Variants in UBAC2 observed in about 807,000 individuals in gnomAD.
UBAC2 encodes UBA domain containing 2, also known as ubiquitin-associated domain-containing protein 2.
UBAC2 carries 26 observed loss-of-function variants against 44.0 expected under a neutral mutation model. The ratio of observed to expected loss-of-function variants is 0.59; its 90% CI spans 0.43 to 0.82. The LOEUF is 0.82. Among genes scored for constraint, UBAC2 ranks in the 40% least tolerant of loss-of-function variants. The pLI is 0.00. For synonymous variants in UBAC2, 155 were observed against 154.3 expected, an observed-to-expected ratio of 1.00 and a Z score of -0.04; for missense variants, 329 against 419.4, an observed-to-expected ratio of 0.78 and a Z score of 1.88.
intron 1 of UBAC2, chr13:99,215,814 T>A: frequency 3.1e-6 from 2 of 642,528 alleles, no homozygotes; most frequent in Admixed American, 2.8e-5. Flanking sequence ...AGACCCGTGG[T>A]GAGATCCCAC....
chr13:99,289,192 T>G (rs1334000922), intron 4 of UBAC2, among the ~76,000 whole-genome samples: 2 of 152,190 alleles, frequency 1.3e-5, no homozygotes, highest in Non-Finnish European at 2.9e-5. Context: ...TCCTTTGTTG[T>G]AAGATCTAAA....
intron 8 of UBAC2, chr13:99,377,710 TC>T (rs1202162008): frequency 6.6e-6 from 1 of 152,248 alleles, no homozygotes; most frequent in Non-Finnish European, 1.5e-5. Context: ...CTTTCTGACT[TC>T]TTTAGGGCCC....
intron 7 of UBAC2, among the ~76,000 whole-genome samples, chr13:99,348,298 C>T (rs2045023454): frequency 6.6e-6 from 1 of 152,200 alleles, no homozygotes; most frequent in Non-Finnish European, 1.5e-5. Context: ...TGAGGCTGTA[C>T]TAGGCACTAG....
At chr13:99,376,326 C>CG (rs1019063852) in intron 8 of UBAC2, among the ~76,000 whole-genome samples, 12 of 152,212 alleles carry the variant, frequency 7.9e-5, no homozygotes, top group Non-Finnish European at 1.8e-4. Flanking sequence ...GGGCTGCTGA[C>CG]GCCTGTGGTT....
rs74112018 is a variant in UBAC2, at chr13:99,221,832, G to T, written c.32-16595G>T. 6.7e-3 allele frequency among the ~76,000 whole-genome samples: 1,019 copies of T among 152,150 alleles called. 9 individuals are homozygous for T. Among genetic ancestry groups the T allele is most frequent in the African/African-American group, 0.023 (964 of 41,494 alleles). Reference sequence around the variant, plus strand: ...GGACTCTTCCTCTGTTTCGCTCCCCGTGTCCTTCACTACTGCTCCCTGGGA... The same window carrying T: ...GGACTCTTCCTCTGTTTCGCTCCCCTTGTCCTTCACTACTGCTCCCTGGGA... On this transcript the variant is annotated intron_variant, in intron 1 of 8. Transcript: ENST00000403766.
At chr13:99,213,320 G>A (rs1428001935) in intron 1 of UBAC2, among the ~76,000 whole-genome samples, 1 of 151,392 alleles carries the variant, frequency 6.6e-6, no homozygotes, top group Non-Finnish European at 1.5e-5. Flanking sequence ...CTCCCAAGTT[G>A]CTGGGATTAT....
At chr13:99,241,490 T>C (rs529669426) in intron 2 of UBAC2, among the ~76,000 whole-genome samples, 30 of 152,056 alleles carry the variant, frequency 2.0e-4, no homozygotes, top group Non-Finnish European at 3.7e-4. Context: ...AATGAGCAAA[T>C]GCAAAAGGAC....
intron 4 of UBAC2, among the ~76,000 whole-genome samples, chr13:99,278,139 C>T (rs1027785783): frequency 2.0e-5 from 3 of 152,118 alleles, no homozygotes. Context: ...GATGGTGACA[C>T]CAACATTATT....
At chr13:99,344,604 C>A (rs74577432) in intron 7 of UBAC2, among the ~76,000 whole-genome samples, 2 of 152,066 alleles carry the variant, frequency 1.3e-5, no homozygotes, top group African/African-American at 4.8e-5. Context: ...CAGTTACTAA[C>A]TGCTGTATGT....
At chr13:99,219,951 T>A (rs1388438924) in intron 1 of UBAC2, among the ~76,000 whole-genome samples, 4 of 152,242 alleles carry the variant, frequency 2.6e-5, no homozygotes, top group African/African-American at 9.6e-5. Context: ...ATTTTGTTCA[T>A]TTGTTGATGG....
chr13:99,361,760 C>T (rs1409853568), intron 7 of UBAC2, among the ~76,000 whole-genome samples: 1 of 152,146 alleles, frequency 6.6e-6, no homozygotes, highest in Non-Finnish European at 1.5e-5. Context: ...ACAACCAAAA[C>T]TGTGAGCAGA....
chr13:99,368,688 A>AGTGTGTGTGTGTGTGTGTGT (rs35193753), intron 8 of UBAC2, among the ~76,000 whole-genome samples: 97 of 146,696 alleles, frequency 6.6e-4, no homozygotes, highest in African/African-American at 2.1e-3. Flanking sequence ...CTCATGAGAG[A>AGTGTGTGTGTGTGTGTGTGT]GTGTGTGTGT....
At chr13:99,284,157 A>G (rs2043989373) in intron 4 of UBAC2, among the ~76,000 whole-genome samples, 1 of 152,264 alleles carries the variant, frequency 6.6e-6, no homozygotes, top group Admixed American at 6.5e-5. Context: ...TAAATGTCCA[A>G]AGACAACTTA....
At chr13:99,296,285 A>C in intron 4 of UBAC2, 1 of 670,792 alleles carries the variant, frequency 1.5e-6, no homozygotes, top group Non-Finnish European at 2.2e-6. Flanking sequence ...TTATATATCT[A>C]AGTTTTAAAA....
At chr13:99,364,015 A>T (rs1275186442) in intron 7 of UBAC2, among the ~76,000 whole-genome samples, 1 of 152,016 alleles carries the variant, frequency 6.6e-6, no homozygotes, top group Non-Finnish European at 1.5e-5. Flanking sequence ...TTACTTTTTA[A>T]TCATACTCTC....
At chr13:99,320,402 G>C (rs1367344592) in intron 6 of UBAC2, among the ~76,000 whole-genome samples, 1 of 152,138 alleles carries the variant, frequency 6.6e-6, no homozygotes, top group African/African-American at 2.4e-5. Context: ...TAGAATTACA[G>C]TGTGTTTGGA....
chr13:99,295,651 T>G lies in UBAC2; in HGVS notation c.390-18446T>G, dbSNP rs1203072732. The G allele has an allele frequency of 4.3e-6, 7 of 1,613,908 alleles. No homozygotes were observed. The highest frequency in any genetic ancestry group is 5.9e-6 in the Non-Finnish European group (7 of 1,180,000). ...GCTTTGACATAGGGTTGATGAGGAG[T>G]GGGAGTGTCTGAGCAAATACTAGAA... On this transcript the variant is annotated intron_variant, in intron 4 of 8. Transcript: ENST00000403766. This position sits in a 1 kb window ranked among gnomAD's most constrained non-coding sequence, Gnocchi z 4.1.
chr13:99,235,871 G>A (rs1174709441), intron 1 of UBAC2, among the ~76,000 whole-genome samples: 1 of 152,080 alleles, frequency 6.6e-6, no homozygotes, highest in Non-Finnish European at 1.5e-5. Flanking sequence ...GGGAGGCTGA[G>A]GTGGGAGGAT....
chr13:99,258,751 G>A (rs563932817), intron 4 of UBAC2, among the ~76,000 whole-genome samples: 3 of 152,232 alleles, frequency 2.0e-5, no homozygotes, highest in South Asian at 4.1e-4. Context: ...ATATCCAGTA[G>A]GATTGTAGGG....
Sources: allele counts gnomAD v4.1 joint callset (sites outside exome capture counted in the v4.1 genomes callset), GRCh38; gene constraint gnomAD v4.1.1; non-coding constraint Gnocchi (gnomAD v3.1); transcripts MANE v1.5; gene names NCBI Gene and HGNC (gene_info 2026-07-23, HGNC 2026-07-21).